The following PRKCE variants were observed in gnomAD, a reference collection of about 807,000 sequenced individuals.
The protein encoded by PRKCE is protein kinase C epsilon type.
A neutral mutation model predicts 85.4 loss-of-function variants in PRKCE; 16 were observed. The ratio of observed to expected loss-of-function variants is 0.19; its 90% CI spans 0.13 to 0.28. PRKCE has a LOEUF of 0.28. Ranked by LOEUF, PRKCE falls within the 10% of genes least tolerant of loss-of-function variation. PRKCE has a pLI of 1.00. For synonymous variants in PRKCE, 388 were observed against 371.5 expected (o/e 1.04, Z -0.51); for missense variants, 573 against 975.2 (o/e 0.59, Z 5.49).
chr2:46,011,254 G>A (rs1332363507), intron 10 of PRKCE, among the ~76,000 whole-genome samples: 2 of 152,194 alleles, frequency 1.3e-5, no homozygotes, highest in Non-Finnish European at 2.9e-5. Flanking sequence ...GGCAAAGACA[G>A]ACATCACCTG....
chr2:45,723,056 A>G (rs1347629876), intron 1 of PRKCE, among the ~76,000 whole-genome samples: 2 of 152,194 alleles, frequency 1.3e-5, no homozygotes, highest in Non-Finnish European at 2.9e-5. Context: ...AGCTGAGATC[A>G]CACCATTGCA....
chr2:45,928,918 C>T (rs936280337), intron 2 of PRKCE, among the ~76,000 whole-genome samples: 3 of 152,200 alleles, frequency 2.0e-5, no homozygotes, highest in Non-Finnish European at 4.4e-5. Context: ...GGGGGCCCCT[C>T]TGTCAGCGCT....
chr2:45,848,152 A>G (rs953730640), intron 2 of PRKCE, among the ~76,000 whole-genome samples: 1 of 152,226 alleles, frequency 6.6e-6, no homozygotes, highest in Non-Finnish European at 1.5e-5. Context: ...GGCAGGATAC[A>G]TATCGACGGG....
At chr2:45,930,989 C>G (rs2104045785) in intron 2 of PRKCE, among the ~76,000 whole-genome samples, 1 of 152,274 alleles carries the variant, frequency 6.6e-6, no homozygotes, top group South Asian at 2.1e-4. Context: ...GTCCCTGATC[C>G]TTCATTTCCT....
Position 46,151,107 on chromosome 2 carries a change from A to T in PRKCE, c.1798A>T (p.Met600Leu). The T allele has an allele frequency of 6.3e-7, 1 of 1,599,542 alleles. No homozygotes were observed. Residue 600 changes from methionine (M) to leucine (L), a missense_variant, in exon 13 of 15, where the codon ATG (methionine) becomes TTG (leucine). Physicochemically the swap from Met to Leu is conservative, Grantham distance 15. This residue lies in a region of PRKCE where 72 missense variants were observed against 166.0 expected (regional missense o/e 0.43). Transcript: ENST00000306156. ...WWALGVLMYEMMAGQPPFEAD... is the reference protein window; with the variant it reads ...WWALGVLMYELMAGQPPFEAD... ...GGCCCTGGGGGTGCTGATGTACGAG[A>T]TGATGGCTGGACAGCCTCCCTTTGA...
intron 2 of PRKCE, among the ~76,000 whole-genome samples, chr2:45,850,930 G>A (rs992764255): frequency 6.6e-6 from 1 of 152,198 alleles, no homozygotes; most frequent in East Asian, 1.9e-4. Context: ...AATGAACACA[G>A]TGCCTGCTGT....
upstream of PRKCE, chr2:45,651,303 T>G (rs566667046): frequency 6.7e-6 from 1 of 149,838 alleles, no homozygotes; most frequent in Non-Finnish European, 1.5e-5. Flanking sequence ...GCCGCCGCGC[T>G]GCGCACCGCC....
intron 2 of PRKCE, among the ~76,000 whole-genome samples, chr2:45,953,799 A>C (rs555267937): frequency 3.7e-4 from 56 of 152,134 alleles, no homozygotes; most frequent in African/African-American, 1.3e-3. Context: ...CTTTCTCAGC[A>C]CTCTCCAGGT....
intron 2 of PRKCE, among the ~76,000 whole-genome samples, chr2:45,883,602 A>G (rs1399625131): frequency 6.6e-6 from 1 of 152,154 alleles, no homozygotes; most frequent in Non-Finnish European, 1.5e-5. Flanking sequence ...CATTAAATGT[A>G]TACTATAGTT....
intron 10 of PRKCE, among the ~76,000 whole-genome samples, chr2:46,033,799 G>A (rs1707689364): frequency 6.6e-6 from 1 of 152,190 alleles, no homozygotes; most frequent in Non-Finnish European, 1.5e-5. Flanking sequence ...AGAATGGAGA[G>A]TCAGGGCAAC....
chr2:46,126,937 A>T (rs904454947), intron 11 of PRKCE, among the ~76,000 whole-genome samples: 2 of 152,216 alleles, frequency 1.3e-5, no homozygotes, highest in Non-Finnish European at 2.9e-5. Flanking sequence ...CCCAACGTTA[A>T]CAGACTTGTC....
intron 10 of PRKCE, among the ~76,000 whole-genome samples, chr2:46,071,074 A>T (rs975043943): frequency 1.3e-5 from 2 of 152,248 alleles, no homozygotes; most frequent in African/African-American, 4.8e-5. Flanking sequence ...CCAAATGCGT[A>T]GAGATGCCCA....
chr2:45,734,320 G>T (rs1681855085), intron 1 of PRKCE, among the ~76,000 whole-genome samples: 1 of 151,318 alleles, frequency 6.6e-6, no homozygotes, highest in Non-Finnish European at 1.5e-5. Context: ...AACAGAGATG[G>T]CGCTACTGCA....
intron 2 of PRKCE, among the ~76,000 whole-genome samples, chr2:45,844,433 C>T (rs1169210703): frequency 3.3e-5 from 5 of 152,190 alleles, no homozygotes; most frequent in African/African-American, 7.2e-5. Flanking sequence ...AACAATATTT[C>T]ACATGAAATA....
chr2:46,057,550 T>C (rs1666702574), intron 10 of PRKCE, among the ~76,000 whole-genome samples: 1 of 152,040 alleles, frequency 6.6e-6, no homozygotes, highest in African/African-American at 2.4e-5. Context: ...TCATCCTGCT[T>C]CAGCCTCCCG....
chr2:45,800,157 T>C (rs559674043), intron 1 of PRKCE, among the ~76,000 whole-genome samples: 1 of 152,362 alleles, frequency 6.6e-6, no homozygotes, highest in East Asian at 1.9e-4. Context: ...AGCGGCTGGA[T>C]ACTTGATAGT....
chr2:45,802,225 C>G (rs556382958), intron 1 of PRKCE, among the ~76,000 whole-genome samples: 2 of 152,184 alleles, frequency 1.3e-5, no homozygotes, highest in African/African-American at 4.8e-5. Flanking sequence ...TGATCACACT[C>G]CAGCCTGGGT....
chr2:45,692,346 T>C (rs1677797677), intron 1 of PRKCE, among the ~76,000 whole-genome samples: 1 of 152,086 alleles, frequency 6.6e-6, no homozygotes. Flanking sequence ...ATTTCCACCT[T>C]CTGGTAGCCC....
chr2:46,117,675 T>G (rs930359889), intron 11 of PRKCE, among the ~76,000 whole-genome samples: 1 of 152,214 alleles, frequency 6.6e-6, no homozygotes, highest in Non-Finnish European at 1.5e-5. Flanking sequence ...ACTTAAAAGC[T>G]GGGATAGTAA....
Sources: gnomAD v4.1 joint callset for allele counts (sites outside exome capture counted in the v4.1 genomes callset) on GRCh38, gnomAD v4.1.1 for gene constraint, gnomAD v4.1.1 regional missense constraint, MANE v1.5 for transcripts, NCBI Gene and HGNC (gene_info 2026-07-23, HGNC 2026-07-21) for gene names.